EXOC4: variants seen among roughly 807,000 people sequenced by gnomAD.
The protein encoded by EXOC4 is exocyst complex component 4, also known as SEC8-like 1.
Under a neutral mutation model 107.2 loss-of-function variants are expected in EXOC4, and 71 were observed. That is an observed-to-expected ratio of 0.66 (90% CI 0.55 to 0.81). The LOEUF is 0.81. EXOC4 is among the 30% of genes least tolerant of loss of function. EXOC4 has a pLI of 0.00. For missense variants in EXOC4, 1,108 were observed against 1,189.6 expected (o/e 0.93, Z 1.01); for synonymous variants, 456 against 441.2 (o/e 1.03, Z -0.42).
At chr7:133,838,736 A>C (rs1156368528) in intron 11 of EXOC4, among the ~76,000 whole-genome samples, 1 of 152,220 alleles carries the variant, frequency 6.6e-6, no homozygotes, top group Non-Finnish European at 1.5e-5. Context: ...AGTTTTTCTG[A>C]ATAGAGCCAG....
At chr7:133,820,703 C>G (rs1206206248) in intron 11 of EXOC4, among the ~76,000 whole-genome samples, 2 of 152,210 alleles carry the variant, frequency 1.3e-5, no homozygotes, top group Non-Finnish European at 2.9e-5. Flanking sequence ...AGAGGACATG[C>G]CTTTCCCTGT....
At chr7:133,741,891 GTGA>G (rs900737046) in intron 10 of EXOC4, among the ~76,000 whole-genome samples, 12 of 152,132 alleles carry the variant, frequency 7.9e-5, no homozygotes, top group African/African-American at 2.9e-4. Flanking sequence ...ATCTGGATTG[GTGA>G]TGTAGTTATT....
chr7:133,735,582 G>C (rs942509515), intron 10 of EXOC4, among the ~76,000 whole-genome samples: 1 of 152,102 alleles, frequency 6.6e-6, no homozygotes, highest in African/African-American at 2.4e-5. Context: ...CCTCTGAAGA[G>C]TCTTCTTCTA....
chr7:133,325,835 G>A (rs893735539), intron 5 of EXOC4, among the ~76,000 whole-genome samples: 8 of 152,192 alleles, frequency 5.3e-5, no homozygotes, highest in Non-Finnish European at 7.4e-5. Flanking sequence ...TCTCCCTGTC[G>A]CTTTCAGGTA....
intron 5 of EXOC4, among the ~76,000 whole-genome samples, chr7:133,323,798 C>T (rs1795171526): frequency 6.6e-6 from 1 of 152,096 alleles, no homozygotes; most frequent in Non-Finnish European, 1.5e-5. Flanking sequence ...CCAGCTCCTC[C>T]TTGTACCTCT....
chr7:133,647,772 A>G (rs1364668957), intron 10 of EXOC4, among the ~76,000 whole-genome samples: 1 of 152,154 alleles, frequency 6.6e-6, no homozygotes, highest in African/African-American at 2.4e-5. Context: ...ACAGTCAAAC[A>G]GATAATCCAG....
At chr7:133,842,659 A>C (rs982779669) in intron 11 of EXOC4, among the ~76,000 whole-genome samples, 3 of 152,118 alleles carry the variant, frequency 2.0e-5, no homozygotes, top group African/African-American at 7.2e-5. Context: ...ATTAGGTTCC[A>C]TTTATTGATT....
chr7:133,997,448 T>G (rs1459149765), intron 14 of EXOC4, 44 bp from the exon 15 acceptor site: 1 of 1,606,924 alleles, frequency 6.2e-7, no homozygotes. Context: ...GAAAAATCTG[T>G]AGGCATCTAA....
intron 17 of EXOC4, among the ~76,000 whole-genome samples, chr7:134,012,692 T>TC (rs1453492540): frequency 5.9e-5 from 9 of 152,026 alleles, no homozygotes; most frequent in African/African-American, 2.2e-4. Context: ...GGATTTAAAG[T>TC]CATGAGAAAG....
intron 11 of EXOC4, among the ~76,000 whole-genome samples, chr7:133,834,316 G>A (rs1797872379): frequency 1.3e-5 from 2 of 151,986 alleles, no homozygotes; most frequent in Admixed American, 1.3e-4. Context: ...TAATTTTCTA[G>A]CTCATTACAG....
intron 11 of EXOC4, among the ~76,000 whole-genome samples, chr7:133,846,525 G>T (rs1220056180): frequency 1.3e-5 from 2 of 152,138 alleles, no homozygotes; most frequent in Non-Finnish European, 1.5e-5. Context: ...TACCCAATCA[G>T]ATATACATTG....
intron 10 of EXOC4, among the ~76,000 whole-genome samples, chr7:133,695,163 C>A (rs777832594): frequency 3.2e-5 from 4 of 126,728 alleles, no homozygotes; most frequent in Non-Finnish European, 6.5e-5. Flanking sequence ...AATCTACTCC[C>A]TATCTCCATG....
chr7:133,386,335 T>C (rs1032807420), intron 7 of EXOC4, among the ~76,000 whole-genome samples: 1 of 152,212 alleles, frequency 6.6e-6, no homozygotes, highest in Non-Finnish European at 1.5e-5. Flanking sequence ...TCTCCAGAGC[T>C]GATGGTAATT....
chr7:133,979,433 T>A (rs1395856641), intron 14 of EXOC4, among the ~76,000 whole-genome samples: 1 of 152,184 alleles, frequency 6.6e-6, no homozygotes, highest in Non-Finnish European at 1.5e-5. Flanking sequence ...GCAGACATGA[T>A]CTCTCAATCA....
At chr7:134,030,322 A>G (rs932274786) in intron 17 of EXOC4, among the ~76,000 whole-genome samples, 12 of 152,366 alleles carry the variant, frequency 7.9e-5, no homozygotes, top group African/African-American at 2.9e-4. Flanking sequence ...AAAGGTAGAA[A>G]CAACTCATAT....
intron 7 of EXOC4, among the ~76,000 whole-genome samples, chr7:133,462,144 G>A (rs559918900): frequency 6.6e-5 from 10 of 152,170 alleles, no homozygotes; most frequent in African/African-American, 2.4e-4. Context: ...TTTCATATGT[G>A]TGCTTTTTTT....
At chr7:133,836,343 T>G (rs1366875070) in intron 11 of EXOC4, among the ~76,000 whole-genome samples, 1 of 152,038 alleles carries the variant, frequency 6.6e-6, no homozygotes, top group Non-Finnish European at 1.5e-5. Context: ...CATTAAGTGC[T>G]TTGTCTAAGA....
At chr7:134,100,182 C>T in the EXOC4 span, among the ~76,000 whole-genome samples, 1 of 151,974 alleles carries the variant, frequency 6.6e-6, no homozygotes, top group Non-Finnish European at 1.5e-5. Context: ...TTTTTCTCTC[C>T]TACAGGGGGA....
chr7:133,774,646 A>C (rs1205799763), intron 10 of EXOC4, among the ~76,000 whole-genome samples: 1 of 152,114 alleles, frequency 6.6e-6, no homozygotes, highest in African/African-American at 2.4e-5. Flanking sequence ...TACTTTTTTC[A>C]AGCCTAACTT....
Sources: allele counts gnomAD v4.1 joint callset (sites outside exome capture counted in the v4.1 genomes callset), GRCh38; gene constraint gnomAD v4.1.1; transcripts MANE v1.5; gene names NCBI Gene and HGNC (gene_info 2026-07-23, HGNC 2026-07-21).